ITGAD: variants seen among roughly 807,000 people sequenced by gnomAD.
ITGAD encodes integrin subunit alpha D, also known as integrin alpha-D.
ITGAD carries 105 observed loss-of-function variants against 139.0 expected under a neutral mutation model. The observed-to-expected ratio is 0.76, with a 90% CI of 0.65 to 0.89. The LOEUF is 0.89. Ranked by LOEUF, ITGAD falls within the 40% of genes least tolerant of loss-of-function variation. The pLI is 0.00. For synonymous variants in ITGAD, 569 were observed against 598.3 expected (o/e 0.95, Z 0.71); for missense variants, 1,384 against 1,487.3 (o/e 0.93, Z 1.14).
rs1035010638 is a variant in ITGAD at position 31,424,501 on chromosome 16, A to G, written c.3296A>G (p.Asn1099Ser). 4 of 1,613,966 alleles carry G rather than the reference A, an allele frequency of 2.5e-6. No homozygotes were observed. The highest frequency in any genetic ancestry group is 1.3e-5 in the African/African-American group (1 of 75,012). ...EMVLEEDEVY[N>S]AIPIIMGSSV... Reference sequence around the variant, plus strand: ...GTGCTAGAAGAAGACGAGGTCTACAATGCCATTCCCATCATCATGGGCAGC... The same window carrying G: ...GTGCTAGAAGAAGACGAGGTCTACAGTGCCATTCCCATCATCATGGGCAGC... The change falls in exon 29 of 30, where the codon AAT becomes AGT. Residue 1099 changes from asparagine to serine, a missense_variant. Asn to Ser is a conservative substitution (Grantham distance 46). Coordinates refer to ENST00000389202, the MANE Select transcript of ITGAD (RefSeq NM_005353.3).
chr16:31,418,296 C>A lies in ITGAD; in HGVS notation c.2617-5C>A. ...ATCCCCATTCTTTCCTTCTTCTTCC[C>A]TCAGGGCACCTTCATAGTCACATTC... On this transcript the variant is annotated splice_polypyrimidine_tract_variant and splice_region_variant and intron_variant, in intron 21 of 29. Coordinates refer to ENST00000389202, the MANE Select transcript of ITGAD (RefSeq NM_005353.3). 6.2e-7 allele frequency: 1 copy of A among 1,613,748 alleles called. No individual in the cohort carries two copies. Among genetic ancestry groups the A allele is most frequent in the South Asian group, 1.1e-5 (1 of 91,060 alleles).
At chr16:31,423,511 C>G in intron 25 of ITGAD, 52 bp downstream of exon 25, 1 of 1,598,090 alleles carries the variant, frequency 6.3e-7, no homozygotes, top group Non-Finnish European at 8.6e-7. Context: ...CAGCACAGCA[C>G]TCCCTCTTAC....
chr16:31,425,524 C>A (rs957452594), intron 29 of ITGAD, among the ~76,000 whole-genome samples: 2 of 152,194 alleles, frequency 1.3e-5, no homozygotes, highest in Non-Finnish European at 2.9e-5. Context: ...CCAGCAGATG[C>A]TCGATATATG....
At chr16:31,425,659 TTTTC>T (rs1308548047) in intron 29 of ITGAD, among the ~76,000 whole-genome samples, 1 of 152,058 alleles carries the variant, frequency 6.6e-6, no homozygotes, top group Non-Finnish European at 1.5e-5. Flanking sequence ...CTTTTCTTTC[TTTTC>T]TTTCTCTTTT....
rs147528125 is a variant in ITGAD at position 31,414,938 on chromosome 16, C to T, written c.2230C>T (p.Gln744Ter). The T allele has an allele frequency of 3.0e-5, 48 of 1,614,170 alleles. No homozygotes were observed. Among genetic ancestry groups the T allele is most frequent in the African/African-American group, 4.0e-5 (3 of 75,030 alleles). The change falls in exon 18 of 30, where the codon CAG becomes TAG. Residue 744 changes from glutamine to a stop codon, truncating the protein, a stop_gained. Transcript: ENST00000389202. LOFTEE classifies it high-confidence loss of function. The stretch of plus-strand genomic sequence containing the variant: ...GGTGAGAGAGCCCATCCCCTCCCCC[C>T]AGAACCTGCGTCCTGTGCTGGCCGT... ...SLVREPIPSP[Q>*]NLRPVLAVGS...
At position 31,413,988 on chromosome 16, in the gene ITGAD, A is replaced by G. The variant is rs574857510; in HGVS notation, c.1997-463A>G. Among the ~76,000 whole-genome samples, 4 of 152,234 alleles carry G rather than the reference A, an allele frequency of 2.6e-5. No homozygotes were observed. The South Asian group carries it at 8.3e-4, about 32-fold the overall frequency. ...CCCATGTGCTTGGCTTCTTTCTTAGATTGTGAGGTTCATGAGAGTGGGGGC... is the reference window on the plus strand; with the variant it reads ...CCCATGTGCTTGGCTTCTTTCTTAGGTTGTGAGGTTCATGAGAGTGGGGGC... On this transcript the variant is annotated intron_variant, in intron 16 of 29. Coordinates refer to ENST00000389202, the MANE Select transcript of ITGAD (RefSeq NM_005353.3).
intron 5 of ITGAD, 65 bp from the exon 6 acceptor site, chr16:31,402,050 C>A: frequency 6.4e-7 from 1 of 1,565,596 alleles, no homozygotes; most frequent in Non-Finnish European, 8.7e-7. Flanking sequence ...CTCTGTTGAG[C>A]AGGAGCTGCA....
rs2081209988 is a variant in ITGAD, at chr16:31,394,219, C to T, written c.32-17C>T. 2 of 1,569,244 alleles carry T rather than the reference C, an allele frequency of 1.3e-6. No individual in the cohort carries two copies. Among genetic ancestry groups the T allele is most frequent in the East Asian group, 4.5e-5 (2 of 44,608 alleles). On this transcript the variant is annotated splice_polypyrimidine_tract_variant and intron_variant, in intron 1 of 29. Transcript: ENST00000389202. ...TTCTTTAACTCCCAGCCTCCCCGCC[C>T]ACCAAATATTCCTCAGTCCTGGCTT...
intron 2 of ITGAD, among the ~76,000 whole-genome samples, chr16:31,395,429 C>G (rs562752145): frequency 6.6e-6 from 1 of 152,310 alleles, no homozygotes; most frequent in South Asian, 2.1e-4. Context: ...GTATCAGCTG[C>G]TGGCTCCCCC....
intron 2 of ITGAD, among the ~76,000 whole-genome samples, chr16:31,396,944 G>C (rs555876968): frequency 1.3e-5 from 2 of 152,154 alleles, no homozygotes; most frequent in East Asian, 3.9e-4. Flanking sequence ...ATGTCTTCAG[G>C]AAATTGTTCC....
At chr16:31,425,758 C>T (rs1054266720) in intron 29 of ITGAD, among the ~76,000 whole-genome samples, 5 of 151,690 alleles carry the variant, frequency 3.3e-5, no homozygotes, top group Admixed American at 6.6e-5. Context: ...TCTTGGCTCA[C>T]GGCAACCTCT....
intron 29 of ITGAD, 22 bp downstream of exon 29, chr16:31,424,599 T>A: frequency 3.5e-6 from 3 of 853,974 alleles, no homozygotes; most frequent in Non-Finnish European, 3.2e-6. Flanking sequence ...ATCCAACTCT[T>A]TTTTTTTTTT....
chr16:31,402,537 G>C, intron 6 of ITGAD: 1 of 240,666 alleles, frequency 4.2e-6, no homozygotes, highest in East Asian at 8.4e-5. Context: ...TATTTTCTAT[G>C]TAACTAATGA....
chr16:31,408,371 A>T, intron 9 of ITGAD, 54 bp from the exon 10 acceptor site: 1 of 1,463,238 alleles, frequency 6.8e-7, no homozygotes, highest in African/African-American at 1.4e-5. Flanking sequence ...CTGTGTTCTG[A>T]GTCCTCATGG....
In ITGAD at chr16:31,417,172, T is replaced by C. The variant is rs2081911412; in HGVS notation, c.2499+526T>C. On this transcript the variant is annotated intron_variant, in intron 20 of 29. Transcript: ENST00000389202. ...AATCCTCCCACGTCAGCCTCCCAAG[T>C]AGCTGGGACTACAGGTGCATGCCAC... 7.3e-5 allele frequency among the ~76,000 whole-genome samples: 11 copies of C among 151,196 alleles called. No homozygotes were observed. In the South Asian group the frequency reaches 2.3e-3, roughly 32 times the overall value.
rs985369384 is a variant in ITGAD at position 31,405,870 on chromosome 16, G to A, written c.705-1645G>A. Among the ~76,000 whole-genome samples the A allele has an allele frequency of 5.3e-5, 8 of 151,618 alleles. No individual in the cohort carries two copies. In the South Asian group the frequency reaches 6.2e-4, roughly 12 times the overall value. ...ATTGCCCAGGCTGGTCTTGAACTCC[G>A]GGCCTCGAGAGAGCCTCCTGCCTCG... is the stretch of plus-strand genomic sequence containing the variant. On this transcript the variant is annotated intron_variant, in intron 7 of 29. Transcript: ENST00000389202.
intron 14 of ITGAD, among the ~76,000 whole-genome samples, chr16:31,412,187 G>A (rs2081740322): frequency 1.3e-5 from 2 of 151,790 alleles, no homozygotes; most frequent in African/African-American, 2.4e-5. Flanking sequence ...GAGATTATAG[G>A]CTTCTGCCAC....
intron 4 of ITGAD, 21 bp downstream of exon 4, chr16:31,397,687 A>C (rs780099407): frequency 4.9e-5 from 9 of 181,860 alleles, no homozygotes; most frequent in East Asian, 1.3e-4. Context: ...GTCTTGGGCC[A>C]CGGGGGGGTG....
At chr16:31,411,572 C>A in intron 14 of ITGAD, 55 bp downstream of exon 14, 1 of 1,546,896 alleles carries the variant, frequency 6.5e-7, no homozygotes, top group Non-Finnish European at 8.9e-7. Context: ...GTCCTGAGTT[C>A]ACTGAACGCA....
Sources: allele counts gnomAD v4.1 joint callset (sites outside exome capture counted in the v4.1 genomes callset), GRCh38; gene constraint gnomAD v4.1.1; transcripts MANE v1.5; gene names NCBI Gene and HGNC (gene_info 2026-07-23, HGNC 2026-07-21).